The following SLC24A3 variants were observed in gnomAD, a reference collection of about 807,000 sequenced individuals.
SLC24A3 encodes the protein sodium/potassium/calcium exchanger 3.
Under a neutral mutation model 75.8 loss-of-function variants are expected in SLC24A3, and 28 were observed. The observed-to-expected ratio is 0.37, with a 90% CI of 0.27 to 0.51. The LOEUF (loss-of-function observed/expected upper bound fraction) is 0.51, where lower values mean the gene tolerates loss of function less well. Ranked by LOEUF, SLC24A3 falls within the 20% of genes least tolerant of loss-of-function variation. The pLI, the probability that SLC24A3 is intolerant of heterozygous loss-of-function variation, is 0.94. For missense variants in SLC24A3, 663 were observed against 847.8 expected (o/e 0.78, Z 2.71); for synonymous variants, 372 against 334.1 (o/e 1.11, Z -1.24).
At chr20:19,467,329 C>T (rs138937995) in intron 2 of SLC24A3, among the ~76,000 whole-genome samples, 15 of 152,298 alleles carry the variant, frequency 9.8e-5, no homozygotes, top group Admixed American at 2.0e-4. Context: ...AAACTCCAAA[C>T]GGGTGGCTTA....
At chr20:19,250,310 T>C (rs1170356152) in intron 1 of SLC24A3, among the ~76,000 whole-genome samples, 1 of 152,246 alleles carries the variant, frequency 6.6e-6, no homozygotes, top group African/African-American at 2.4e-5. Context: ...GGGATACACA[T>C]ACTGTCAGGA....
chr20:19,262,404 CAAAAAAAAAAA>C (rs58691860), intron 1 of SLC24A3, among the ~76,000 whole-genome samples: 6 of 75,758 alleles, frequency 7.9e-5, no homozygotes, highest in Admixed American at 1.5e-4. Context: ...GACTCCGTCT[CAAAAAAAAAAA>C]AAAAAAAAAA....
chr20:19,222,225 T>C (rs552472831), intron 1 of SLC24A3, among the ~76,000 whole-genome samples: 1 of 152,178 alleles, frequency 6.6e-6, no homozygotes, highest in Non-Finnish European at 1.5e-5. Context: ...AGTAGATTCG[T>C]AGTAGTATTG....
intron 6 of SLC24A3, among the ~76,000 whole-genome samples, chr20:19,588,524 C>A (rs554749648): frequency 6.6e-6 from 1 of 152,206 alleles, no homozygotes; most frequent in Non-Finnish European, 1.5e-5. Context: ...ACATAACCCT[C>A]GCTTTGGTGT....
intron 6 of SLC24A3, among the ~76,000 whole-genome samples, chr20:19,626,064 T>C (rs1465204423): frequency 6.7e-6 from 1 of 148,684 alleles, no homozygotes; most frequent in Non-Finnish European, 1.5e-5. Flanking sequence ...TGTGAATTGG[T>C]TTTAGTAATA....
chr20:19,631,667 C>T (rs760888291), intron 6 of SLC24A3, among the ~76,000 whole-genome samples: 22 of 152,068 alleles, frequency 1.4e-4, no homozygotes, highest in East Asian at 5.8e-4. Flanking sequence ...AGGAAAAGAT[C>T]GAAATTCAAA....
At chr20:19,408,749 T>C (rs1212575049) in intron 2 of SLC24A3, among the ~76,000 whole-genome samples, 1 of 152,192 alleles carries the variant, frequency 6.6e-6, no homozygotes, top group Non-Finnish European at 1.5e-5. Context: ...TTTTTGTCTA[T>C]GTCATTAGGA....
At chr20:19,602,756 T>C (rs933554946) in intron 6 of SLC24A3, among the ~76,000 whole-genome samples, 3 of 152,206 alleles carry the variant, frequency 2.0e-5, no homozygotes, top group African/African-American at 7.2e-5. Context: ...CTTATGGCTC[T>C]GTCCAGAGGA....
At chr20:19,539,218 C>T (rs2030454090) in intron 3 of SLC24A3, among the ~76,000 whole-genome samples, 1 of 152,164 alleles carries the variant, frequency 6.6e-6, no homozygotes, top group Non-Finnish European at 1.5e-5. Context: ...TCTAATACGT[C>T]CATTCCAATT....
intron 3 of SLC24A3, among the ~76,000 whole-genome samples, chr20:19,521,850 G>A (rs938424026): frequency 2.0e-5 from 3 of 152,088 alleles, no homozygotes; most frequent in African/African-American, 7.2e-5. Context: ...GGTGCAGAAG[G>A]CCCCTTCCCC....
chr20:19,348,069 G>A (rs183112346), intron 2 of SLC24A3, among the ~76,000 whole-genome samples: 6 of 152,298 alleles, frequency 3.9e-5, no homozygotes, highest in African/African-American at 1.2e-4. Flanking sequence ...GCTGCCAGCC[G>A]ATGACAGGCA....
intron 2 of SLC24A3, among the ~76,000 whole-genome samples, chr20:19,411,693 T>A (rs1986746130): frequency 6.6e-6 from 1 of 152,218 alleles, no homozygotes; most frequent in South Asian, 2.1e-4. Flanking sequence ...CCTCAAAGCT[T>A]TGGCCACCTT....
intron 2 of SLC24A3, among the ~76,000 whole-genome samples, chr20:19,314,991 T>A (rs1037447397): frequency 3.9e-5 from 6 of 152,242 alleles, no homozygotes; most frequent in African/African-American, 1.4e-4. Context: ...CACATAAAAG[T>A]GCTGAAGAAG....
intron 12 of SLC24A3, among the ~76,000 whole-genome samples, chr20:19,686,656 A>G (rs552287205): frequency 6.6e-6 from 1 of 152,298 alleles, no homozygotes; most frequent in East Asian, 1.9e-4. Flanking sequence ...TTAATTTTGG[A>G]TGCGCAGGGT....
chr20:19,642,597 T>C (rs890570347), intron 6 of SLC24A3, among the ~76,000 whole-genome samples: 2 of 152,212 alleles, frequency 1.3e-5, no homozygotes, highest in Non-Finnish European at 2.9e-5. Flanking sequence ...TATAAGCACA[T>C]ATTTTTATCA....
chr20:19,527,437 A>G (rs1282682982), intron 3 of SLC24A3, among the ~76,000 whole-genome samples: 3 of 152,160 alleles, frequency 2.0e-5, no homozygotes, highest in African/African-American at 7.2e-5. Context: ...CTGGTAAGTG[A>G]GTGATTTAGC....
chr20:19,631,217 T>C (rs1471460359), intron 6 of SLC24A3, among the ~76,000 whole-genome samples: 2 of 152,106 alleles, frequency 1.3e-5, no homozygotes, highest in African/African-American at 4.8e-5. Context: ...CAAATTAGCG[T>C]AGGCTGGTAG....
intron 3 of SLC24A3, among the ~76,000 whole-genome samples, chr20:19,562,375 G>A (rs2030887854): frequency 6.6e-6 from 1 of 152,114 alleles, no homozygotes; most frequent in Non-Finnish European, 1.5e-5. Context: ...ATTGCAAGAA[G>A]GACATACTGA....
At chr20:19,443,710 G>A (rs905316396) in intron 2 of SLC24A3, among the ~76,000 whole-genome samples, 1 of 152,064 alleles carries the variant, frequency 6.6e-6, no homozygotes, top group African/African-American at 2.4e-5. Context: ...TTATGATGTT[G>A]AATAGGAGTA....
Sources: gnomAD v4.1 joint callset for allele counts (sites outside exome capture counted in the v4.1 genomes callset) on GRCh38, gnomAD v4.1.1 for gene constraint, MANE v1.5 for transcripts, NCBI Gene and HGNC (gene_info 2026-07-23, HGNC 2026-07-21) for gene names.